Variants in SAMD4A observed in about 807,000 individuals in gnomAD.
The protein encoded by SAMD4A is sterile alpha motif domain containing 4A.
SAMD4A carries 33 observed loss-of-function variants against 81.3 expected under a neutral mutation model. The ratio of observed to expected loss-of-function variants is 0.41; its 90% CI spans 0.31 to 0.54. The LOEUF is 0.54. Ranked by LOEUF, SAMD4A falls within the 20% of genes least tolerant of loss-of-function variation. SAMD4A has a pLI of 0.37. For synonymous variants in SAMD4A, 389 were observed against 382.1 expected (o/e 1.02, Z -0.21); for missense variants, 854 against 951.1 (o/e 0.90, Z 1.34).
At chr14:54,641,712 T>C (rs2035177465) in intron 2 of SAMD4A, among the ~76,000 whole-genome samples, 1 of 152,258 alleles carries the variant, frequency 6.6e-6, no homozygotes, top group African/African-American at 2.4e-5. Context: ...TATAGTTTTT[T>C]TCTATGTGGA....
intron 4 of SAMD4A, among the ~76,000 whole-genome samples, chr14:54,747,812 G>A (rs562711636): frequency 3.9e-5 from 6 of 152,190 alleles, no homozygotes; most frequent in South Asian, 2.1e-4. Flanking sequence ...ACTTCATTTC[G>A]CCATCTTTAG....
intron 2 of SAMD4A, chr14:54,652,799 A>G (rs1437024801): frequency 6.6e-6 from 1 of 152,130 alleles, no homozygotes; most frequent in African/African-American, 2.4e-5. Flanking sequence ...CGGACTCTTC[A>G]TGGAGACACA....
chr14:54,695,689 T>G (rs985869044), intron 2 of SAMD4A, among the ~76,000 whole-genome samples: 2 of 152,072 alleles, frequency 1.3e-5, no homozygotes, highest in Non-Finnish European at 2.9e-5. Context: ...GCACGGTGGC[T>G]CACGCCTGTA....
Position 54,701,078 on chromosome 14 carries a change from A to G in SAMD4A, c.197-984A>G, listed in dbSNP as rs556724537. ...CAGTGGTGCAATCACAGCTCACTGC[A>G]GCCTCGACCTCTGAAGCTCAAGCAA... On this transcript the variant is annotated intron_variant, in intron 2 of 12. Transcript: ENST00000554335. 2.0e-5 allele frequency: 3 copies of G among 148,684 alleles called. No individual in the cohort carries two copies. The East Asian group carries it at 6.0e-4, about 30-fold the overall frequency. The allele number at this position is 148,684 out of a possible 1,614,324, so 9.2% of individuals were successfully genotyped here.
At chr14:54,763,064 C>G (rs1241531503) in intron 7 of SAMD4A, among the ~76,000 whole-genome samples, 1 of 151,808 alleles carries the variant, frequency 6.6e-6, no homozygotes, top group Non-Finnish European at 1.5e-5. Flanking sequence ...ACCGTGTTAG[C>G]TAGGATGGTC....
At chr14:54,626,415 T>C (rs1342179567) in intron 2 of SAMD4A, among the ~76,000 whole-genome samples, 1 of 152,152 alleles carries the variant, frequency 6.6e-6, no homozygotes, top group Non-Finnish European at 1.5e-5. Context: ...CCAACTAGAA[T>C]TTTATGAACT....
intron 2 of SAMD4A, among the ~76,000 whole-genome samples, chr14:54,638,125 A>T (rs542409139): frequency 6.2e-4 from 95 of 152,332 alleles, no homozygotes; most frequent in Non-Finnish European, 1.1e-3. Context: ...ATGGCACAGC[A>T]TATGGAGTCC....
intron 3 of SAMD4A, among the ~76,000 whole-genome samples, chr14:54,728,847 G>A (rs991290235): frequency 7.9e-5 from 12 of 152,284 alleles, no homozygotes; most frequent in African/African-American, 2.4e-4. Context: ...TGGCTGCAAG[G>A]CTCTGCTGGC....
intron 2 of SAMD4A, among the ~76,000 whole-genome samples, chr14:54,587,612 GTCAAATGCTGTT>G (rs1391536003): frequency 6.6e-6 from 1 of 152,110 alleles, no homozygotes; most frequent in Non-Finnish European, 1.5e-5. Flanking sequence ...GCTGGATTTT[GTCAAATGCTGTT>G]TCTGCATCTA....
At chr14:54,687,547 C>G (rs1163350547) in intron 2 of SAMD4A, 5 of 360,132 alleles carry the variant, frequency 1.4e-5, no homozygotes, top group Non-Finnish European at 2.7e-5. Flanking sequence ...GGGTATGTTA[C>G]TAAGCCGGTG....
At chr14:54,582,494 G>A (rs1453462641) in intron 2 of SAMD4A, among the ~76,000 whole-genome samples, 3 of 152,126 alleles carry the variant, frequency 2.0e-5, no homozygotes, top group Non-Finnish European at 2.9e-5. Flanking sequence ...GCTCCCACAC[G>A]GCATCTGCAC....
intron 2 of SAMD4A, 27 bp downstream of exon 2, chr14:54,568,139 G>C (rs1421672040): frequency 1.4e-6 from 2 of 1,447,576 alleles, no homozygotes; most frequent in South Asian, 2.8e-5. Context: ...CGCCGCCGCC[G>C]TCCCGCCTGC....
intron 6 of SAMD4A, among the ~76,000 whole-genome samples, chr14:54,754,342 G>A (rs976987223): frequency 2.0e-5 from 3 of 152,228 alleles, no homozygotes; most frequent in Non-Finnish European, 4.4e-5. Flanking sequence ...GGCAGCCAGT[G>A]GTCAAGTGGA....
upstream of SAMD4A, among the ~76,000 whole-genome samples, chr14:54,566,587 G>A (rs1310832308): frequency 2.6e-5 from 4 of 151,694 alleles, no homozygotes; most frequent in Non-Finnish European, 5.9e-5. Flanking sequence ...TTCCCCGCGG[G>A]GCCGCCCCGC....
chr14:54,779,202 G>A (rs1047845584), intron 11 of SAMD4A, among the ~76,000 whole-genome samples: 1 of 152,196 alleles, frequency 6.6e-6, no homozygotes, highest in Non-Finnish European at 1.5e-5. Flanking sequence ...CGGGGCTTGT[G>A]GCCAGGCGTT....
intron 7 of SAMD4A, among the ~76,000 whole-genome samples, chr14:54,761,035 T>G (rs1220618815): frequency 6.6e-6 from 1 of 152,236 alleles, no homozygotes; most frequent in Non-Finnish European, 1.5e-5. Flanking sequence ...ATTCCCAGCA[T>G]GGAACTGTTT....
chr14:54,693,798 C>A (rs1208626505), intron 2 of SAMD4A: 1 of 152,238 alleles, frequency 6.6e-6, no homozygotes, highest in Non-Finnish European at 1.5e-5. Flanking sequence ...GCATACTGTA[C>A]AGCAGGTCAC....
chr14:54,760,426 G>T lies in SAMD4A; in HGVS notation c.1442G>T (p.Gly481Val). The T allele has an allele frequency of 2.1e-6, 3 of 1,442,056 alleles. No individual in the cohort carries two copies. Among genetic ancestry groups the T allele is most frequent in the Non-Finnish European group, 2.7e-6 (3 of 1,108,208 alleles). 89.3% of individuals were successfully genotyped at this position (1,442,056 alleles called of 1,614,324 possible). A position where few individuals can be genotyped will look rare whatever the true frequency, so the allele number is the denominator to read the frequency against. The stretch of plus-strand genomic sequence containing the variant: ...CCGCACCAGCTGAGCAGCTGCGATG[G>T]GGAGCTGGCCGTCGCCCCCCTGCCA... ...LQPHQLSSCD[G>V]ELAVAPLPEG... Residue 481 changes from glycine (G) to valine (V), a missense_variant, in exon 7 of 13, where the codon GGG becomes GTG. Physicochemically the swap from Gly to Val is moderately radical, Grantham distance 109 (BLOSUM62 -3). Coordinates refer to ENST00000554335, the MANE Select transcript of SAMD4A (RefSeq NM_015589.6).
At chr14:54,690,177 A>G (rs1341067768) in intron 2 of SAMD4A, 1 of 152,138 alleles carries the variant, frequency 6.6e-6, no homozygotes, top group Non-Finnish European at 1.5e-5. Context: ...TTATACAGAT[A>G]TGCAAGTCAC....
Sources: gnomAD v4.1 joint callset for allele counts (sites outside exome capture counted in the v4.1 genomes callset) on GRCh38, gnomAD v4.1.1 for gene constraint, MANE v1.5 for transcripts, NCBI Gene and HGNC (gene_info 2026-07-23, HGNC 2026-07-21) for gene names.